The following DUOX1 variants were observed in gnomAD, a reference collection of about 807,000 sequenced individuals.
DUOX1 encodes dual oxidase 1.
A neutral mutation model predicts 181.8 loss-of-function variants in DUOX1; 134 were observed. The ratio of observed to expected loss-of-function variants is 0.74; its 90% CI spans 0.64 to 0.85. DUOX1 has a LOEUF of 0.85. Ranked by LOEUF, DUOX1 falls within the 40% of genes least tolerant of loss-of-function variation. The pLI, the probability that DUOX1 is intolerant of heterozygous loss-of-function variation, is 0.00. For synonymous variants in DUOX1, 798 were observed against 832.5 expected, an observed-to-expected ratio of 0.96 and a Z score of 0.71; for missense variants, 1,814 against 2,064.4, an observed-to-expected ratio of 0.88 and a Z score of 2.35.
chr15:45,140,985 G>A lies in DUOX1; in HGVS notation c.1480G>A (p.Gly494Arg). 6.2e-7 allele frequency: 1 copy of A among 1,614,172 alleles called. No homozygotes were observed. Reference sequence around the variant, plus strand: ...ACTCCTGGAGAGCCACCGGGACCCTGGACCTCTGTTCAGCACCATCGTCCT... The same window carrying A: ...ACTCCTGGAGAGCCACCGGGACCCTAGACCTCTGTTCAGCACCATCGTCCT... Reference protein sequence around the residue: ...GGLLESHRDPGPLFSTIVLEQ... With the variant: ...GGLLESHRDPRPLFSTIVLEQ... The change falls in exon 13 of 34, where the codon GGA (glycine) becomes AGA (arginine). Residue 494 changes from glycine to arginine, a missense_variant. Transcript: ENST00000389037.
Position 45,134,310 on chromosome 15 carries a change from G to C in DUOX1, c.307+1G>C, listed in dbSNP as rs769423272. The C allele has an allele frequency of 1.3e-6, 2 of 1,592,534 alleles. No homozygotes were observed. The highest frequency in any genetic ancestry group is 1.7e-6 in the Non-Finnish European group (2 of 1,171,628). Reference sequence around the variant, plus strand: ...CGCACAGTGTTGGGGGTCTTCTTTGGTGAGAACTTCAACCTCTGGGGAAGG... The same window carrying C: ...CGCACAGTGTTGGGGGTCTTCTTTGCTGAGAACTTCAACCTCTGGGGAAGG... On this transcript the variant is annotated splice_donor_variant, in intron 4 of 33. Transcript: ENST00000389037. LOFTEE classifies it high-confidence loss of function.
chr15:45,156,583 C>T (rs1001189416), intron 28 of DUOX1, among the ~76,000 whole-genome samples: 1 of 152,156 alleles, frequency 6.6e-6, no homozygotes, highest in South Asian at 2.1e-4. Flanking sequence ...CAGGCACGCA[C>T]CACCATGCCT....
chr15:45,143,366 C>T, intron 16 of DUOX1, 63 bp downstream of exon 16: 1 of 1,337,136 alleles, frequency 7.5e-7, no homozygotes, highest in Non-Finnish European at 1.1e-6. Context: ...CAGCTACCCA[C>T]CTCCACCCCA....
Position 45,140,974 on chromosome 15 carries a change from A to G in DUOX1, c.1469A>G (p.His490Arg). 1 of 1,614,160 alleles carries G rather than the reference A, an allele frequency of 6.2e-7. No homozygotes were observed. The highest frequency in any genetic ancestry group is 8.5e-7 in the Non-Finnish European group (1 of 1,180,020). ...ELLPGGLLES[H>R]RDPGPLFSTI... ...CTCCCTGGGGGACTCCTGGAGAGCC[A>G]CCGGGACCCTGGACCTCTGTTCAGC... is the stretch of plus-strand genomic sequence containing the variant. The change falls in exon 13 of 34, where the codon CAC becomes CGC. Residue 490 changes from histidine (H) to arginine (R), a missense_variant. By Grantham distance (29) the His-to-Arg change is conservative. This residue lies in a region of DUOX1 where 1,064 missense variants were observed against 1,152.9 expected (regional missense o/e 0.92). Coordinates refer to ENST00000389037, the MANE Select transcript of DUOX1 (RefSeq NM_175940.3).
At position 45,148,116 on chromosome 15, in the gene DUOX1, A is replaced by G. The variant is rs962056429; in HGVS notation, c.2642+119A>G. The G allele has an allele frequency of 7.7e-6, 11 of 1,425,586 alleles. No homozygotes were observed. The African/African-American group carries it at 1.5e-4, about 20-fold the overall frequency. 88.3% of individuals were successfully genotyped at this position (1,425,586 alleles called of 1,614,324 possible). A position where few individuals can be genotyped will look rare whatever the true frequency, so the allele number is the denominator to read the frequency against. The stretch of plus-strand genomic sequence containing the variant: ...AGGAAGCCTCCTCCTTACCCATGTA[A>G]CCAGAGGCTGTTCAAACTAGCAGGG... On this transcript the variant is annotated intron_variant, in intron 20 of 33. Coordinates refer to ENST00000389037, the MANE Select transcript of DUOX1 (RefSeq NM_175940.3).
intron 1 of DUOX1, chr15:45,131,415 T>C (rs1212341130): frequency 6.4e-6 from 1 of 156,602 alleles, no homozygotes; most frequent in Non-Finnish European, 1.4e-5. Context: ...CTTCTCACAT[T>C]TGATTCTGGC....
rs1390841155 is a variant in DUOX1, at chr15:45,147,966, A to G, written c.2611A>G (p.Ile871Val). The change falls in exon 20 of 34, where the codon ATT (isoleucine) becomes GTT (valine). Residue 871 changes from isoleucine (I) to valine (V), a missense_variant. Coordinates refer to ENST00000389037, the MANE Select transcript of DUOX1 (RefSeq NM_175940.3). ...GTACGACTTTGATGGGAATGGCCTC[A>G]TTTCCAAGGATGAGTTCATCAGGAT... Reference protein sequence around the residue: ...RMYDFDGNGLISKDEFIRMLR... With the variant: ...RMYDFDGNGLVSKDEFIRMLR... 1 of 1,614,048 alleles carries G rather than the reference A, an allele frequency of 6.2e-7. No homozygotes were observed. Among genetic ancestry groups the G allele is most frequent in the Non-Finnish European group, 8.5e-7 (1 of 1,179,994 alleles).
At chr15:45,164,137 G>A (rs1024661209) in intron 33 of DUOX1, among the ~76,000 whole-genome samples, 2 of 152,172 alleles carry the variant, frequency 1.3e-5, no homozygotes, top group African/African-American at 2.4e-5. Flanking sequence ...AAGCCAAGAT[G>A]TATTGTCCAG....
intron 2 of DUOX1, 102 bp from the exon 3 acceptor site, chr15:45,133,762 G>A: frequency 1.0e-6 from 1 of 984,492 alleles, no homozygotes; most frequent in Non-Finnish European, 1.6e-6. Flanking sequence ...TCCACTTTCT[G>A]CTGCTCCAAG....
chr15:45,159,878 C>T (rs1001852304), intron 28 of DUOX1, among the ~76,000 whole-genome samples: 4 of 152,116 alleles, frequency 2.6e-5, no homozygotes, highest in Non-Finnish European at 5.9e-5. Flanking sequence ...CTGTTGGCCG[C>T]GCGCGGTGGC....
chr15:45,155,688 G>C, intron 27 of DUOX1, 114 bp from the exon 28 acceptor site: 1 of 1,458,916 alleles, frequency 6.9e-7, no homozygotes, highest in Non-Finnish European at 9.5e-7. Context: ...GAGAATGCTG[G>C]GACATTCTTA....
chr15:45,163,719 G>A, intron 32 of DUOX1, 32 bp downstream of exon 32: 1 of 1,613,880 alleles, frequency 6.2e-7, no homozygotes, highest in Non-Finnish European at 8.5e-7. Flanking sequence ...GGGTATGCGG[G>A]CCACTGTCTG....
chr15:45,148,458 C>A lies in DUOX1; in HGVS notation c.2818+11C>A. ...AGCTCTGTGTCAAAGGTGGGGCAGC[C>A]TGGTAGGCAGCACTGACTCATTGGT... On this transcript the variant is annotated intron_variant, in intron 21 of 33. Transcript: ENST00000389037. 6.2e-7 allele frequency: 1 copy of A among 1,606,684 alleles called. No individual in the cohort carries two copies. Among genetic ancestry groups the A allele is most frequent in the South Asian group, 1.1e-5 (1 of 89,864 alleles).
In DUOX1 at chr15:45,152,422, C is replaced by T; in HGVS notation, c.3330C>T (p.Thr1110=). Residue 1110 remains threonine (T), a synonymous_variant, in exon 25 of 34, where the codon ACC becomes ACT. Transcript: ENST00000389037. ...ILLTMCRNLI[T]FLRETFLNRY... Reference sequence around the variant, plus strand: ...TCACCATGTGCCGCAACCTCATCACCTTCCTGCGAGAAACCTTCCTCAACC... The same window carrying T: ...TCACCATGTGCCGCAACCTCATCACTTTCCTGCGAGAAACCTTCCTCAACC... 1 of 1,614,250 alleles carries T rather than the reference C, an allele frequency of 6.2e-7. No homozygotes were observed. The highest frequency in any genetic ancestry group is 8.5e-7 in the Non-Finnish European group (1 of 1,180,046).
intron 12 of DUOX1, chr15:45,140,000 G>A: frequency 8.9e-7 from 1 of 1,122,852 alleles, no homozygotes; most frequent in Non-Finnish European, 1.3e-6. Context: ...CACCTGGACT[G>A]GTGGCCCAGG....
chr15:45,138,078 A>G lies in DUOX1; in HGVS notation c.1113+64A>G, dbSNP rs113680445. The G allele has an allele frequency of 6.7e-3, 3,634 of 545,772 alleles. 8 individuals are homozygous for G. Among genetic ancestry groups the G allele is most frequent in the South Asian group, 9.3e-3 (215 of 23,220 alleles). The allele number at this position is 545,772 out of a possible 1,614,324, so 33.8% of individuals were successfully genotyped here. On this transcript the variant is annotated intron_variant, in intron 10 of 33. Coordinates refer to ENST00000389037, the MANE Select transcript of DUOX1 (RefSeq NM_175940.3). ...TGTGCATGCTTATGTGTGTGTGTGT[A>G]TGTGTGTGTGTGTGTGTGTGTGTGT...
At chr15:45,138,988 T>G in intron 10 of DUOX1, 78 bp from the exon 11 acceptor site, 1 of 1,291,444 alleles carries the variant, frequency 7.7e-7, no homozygotes, top group Non-Finnish European at 1.1e-6. Flanking sequence ...ATAAGGATGA[T>G]GGTGTGGAGG....
Position 45,143,260 on chromosome 15 carries a change from C to T in DUOX1, c.1893C>T (p.Asp631=). The T allele has an allele frequency of 6.2e-7, 1 of 1,614,146 alleles. No homozygotes were observed. ...ATTTCAAGAGGCTCCAGGGCCAGGA[C>T]CGCCAGAGCATCGTGTCTGAGAAGC... The part of the protein sequence containing the change: ...MRNFKRLQGQ[D]RQSIVSEKLV... The change falls in exon 16 of 34, where the codon GAC becomes GAT. Residue 631 remains aspartate, a synonymous_variant. Transcript: ENST00000389037.
At chr15:45,148,479 T>C (rs769438598) in intron 21 of DUOX1, 32 bp downstream of exon 21, 13 of 1,593,510 alleles carry the variant, frequency 8.2e-6, no homozygotes, top group Middle Eastern at 3.3e-4. Context: ...CACTGACTCA[T>C]TGGTTAGGCA....
Sources: allele counts gnomAD v4.1 joint callset (sites outside exome capture counted in the v4.1 genomes callset), GRCh38; gene constraint gnomAD v4.1.1; regional missense constraint gnomAD v4.1.1; transcripts MANE v1.5; gene names NCBI Gene and HGNC (gene_info 2026-07-23, HGNC 2026-07-21).